Variants in CDH8 observed in about 807,000 individuals in gnomAD.
CDH8 encodes cadherin 8.
A neutral mutation model predicts 68.1 loss-of-function variants in CDH8; 17 were observed. That is an observed-to-expected ratio of 0.25 (90% CI 0.17 to 0.37). CDH8 has a LOEUF of 0.37. CDH8 is among the 10% of genes least tolerant of loss of function. The pLI, the probability that CDH8 is intolerant of heterozygous loss-of-function variation, is 1.00. For synonymous variants in CDH8, 372 were observed against 365.1 expected (o/e 1.02, Z -0.21); for missense variants, 763 against 999.3 (o/e 0.76, Z 3.19).
At chr16:62,023,543 G>A (rs561741831) in intron 1 of CDH8, among the ~76,000 whole-genome samples, 6 of 152,282 alleles carry the variant, frequency 3.9e-5, no homozygotes, top group African/African-American at 1.4e-4. Context: ...TGGAATCCAC[G>A]TGGTTATCCT....
rs949480545 is a variant in CDH8 at position 61,652,284 on chromosome 16, C to T, written c.*1324G>A. On this transcript the variant is annotated 3_prime_UTR_variant, in exon 12 of 12. Coordinates refer to ENST00000577390, the MANE Select transcript of CDH8 (RefSeq NM_001796.5). Reference sequence around the variant, plus strand: ...AGATCAGGGATAGGAGTGCTAAAAACGTAAACAGTGAAATTATGTACAAAT... The same window carrying T: ...AGATCAGGGATAGGAGTGCTAAAAATGTAAACAGTGAAATTATGTACAAAT... The T allele has an allele frequency of 7.1e-6, 7 of 985,202 alleles. No homozygotes were observed. The East Asian group carries it at 4.5e-4, about 64-fold the overall frequency. The allele number at this position is 985,202 out of a possible 1,614,324, so 61.0% of individuals were successfully genotyped here.
chr16:61,748,734 A>G (rs1043852755), intron 8 of CDH8, among the ~76,000 whole-genome samples: 1 of 151,998 alleles, frequency 6.6e-6, no homozygotes, highest in African/African-American at 2.4e-5. Context: ...TCTTCTCCCA[A>G]TGACCAATCC....
At chr16:61,743,391 A>G in intron 8 of CDH8, 1 of 156,658 alleles carries the variant, frequency 6.4e-6, no homozygotes. Flanking sequence ...GAGGAAGGGG[A>G]CACCCGCTTA....
In CDH8 at chr16:61,653,791, C is replaced by T. The variant is rs1199610270; in HGVS notation, c.2217G>A (p.Pro739=). 12 of 1,614,028 alleles carry T rather than the reference C, an allele frequency of 7.4e-6. No homozygotes were observed. Among genetic ancestry groups the T allele is most frequent in the East Asian group, 2.2e-5 (1 of 44,878 alleles). The change falls in exon 12 of 12, where the codon CCG becomes CCA. Residue 739 remains proline, a synonymous_variant. Coordinates refer to ENST00000577390, the MANE Select transcript of CDH8 (RefSeq NM_001796.5). ...CATATATCTGAATGGAGTCATATGG[C>T]GGGGCCGTGGGATCATTATCTGCCT... ...LHEADNDPTA[P]PYDSIQIYGY... is the part of the protein sequence containing the mutation.
intron 2 of CDH8, among the ~76,000 whole-genome samples, chr16:61,909,142 G>A (rs573204163): frequency 2.9e-4 from 44 of 152,216 alleles, no homozygotes; most frequent in African/African-American, 1.1e-3. Context: ...GCAGGCAAAT[G>A]TGTAGCATTT....
intron 3 of CDH8, among the ~76,000 whole-genome samples, chr16:61,858,937 G>C (rs1461776711): frequency 6.6e-6 from 1 of 152,108 alleles, no homozygotes; most frequent in Non-Finnish European, 1.5e-5. Flanking sequence ...AAATCAACAT[G>C]TTCAGCAGCA....
intron 8 of CDH8, among the ~76,000 whole-genome samples, chr16:61,767,166 T>C (rs368918345): frequency 1.3e-5 from 2 of 152,078 alleles, no homozygotes; most frequent in East Asian, 3.9e-4. Context: ...ATTCATACCA[T>C]TTCTAAGTAA....
chr16:61,959,984 G>GTATATATATATATATA lies in CDH8; in HGVS notation c.253-58527_253-58512dup, dbSNP rs1181394965. Among the ~76,000 whole-genome samples the GTATATATATATATATA allele has an allele frequency of 5.6e-3, 250 of 44,480 alleles. 14 individuals carry two copies. Among genetic ancestry groups the GTATATATATATATATA allele is most frequent in the South Asian group, 0.011 (11 of 976 alleles). The allele number at this position is 44,480 out of a possible 152,430, so 29.2% of individuals were successfully genotyped here. A position where few individuals can be genotyped will look rare whatever the true frequency, so the allele number is the denominator to read the frequency against. On this transcript the variant is annotated intron_variant, in intron 2 of 11. Coordinates refer to ENST00000577390, the MANE Select transcript of CDH8 (RefSeq NM_001796.5). ...GTATGTGGTGTATGTGTGTGTGTGT[G>GTATATATATATATATA]TATATATATATATATATATATATAT...
At chr16:61,736,887 A>G (rs1037272856) in intron 8 of CDH8, among the ~76,000 whole-genome samples, 1 of 152,222 alleles carries the variant, frequency 6.6e-6, no homozygotes, top group African/African-American at 2.4e-5. Context: ...AACTTGATTA[A>G]CATTCATTAA....
intron 10 of CDH8, among the ~76,000 whole-genome samples, chr16:61,670,795 A>C (rs376364295): frequency 2.0e-5 from 3 of 151,992 alleles, no homozygotes; most frequent in Non-Finnish European, 4.4e-5. Context: ...TTACCTACAT[A>C]GGTAGTTGGT....
intron 10 of CDH8, among the ~76,000 whole-genome samples, chr16:61,698,930 C>T (rs543891270): frequency 4.6e-5 from 7 of 152,230 alleles, no homozygotes; most frequent in East Asian, 1.9e-4. Context: ...AAAAGTTTTC[C>T]TGCTGTTTGG....
chr16:62,014,850 TGTAAGAGAGAGGATTTA>T (rs2150607099), intron 2 of CDH8, among the ~76,000 whole-genome samples: 1 of 151,616 alleles, frequency 6.6e-6, no homozygotes, highest in African/African-American at 2.4e-5. Context: ...GAGAAGTTTA[TGTAAGAGAGAGGATTTA>T]GTATAGAAGA....
chr16:61,810,781 T>C (rs919551301), intron 7 of CDH8, among the ~76,000 whole-genome samples: 2 of 152,192 alleles, frequency 1.3e-5, no homozygotes, highest in East Asian at 1.9e-4. Context: ...CCAAGAACTT[T>C]GGGAGGCCGA....
intron 8 of CDH8, among the ~76,000 whole-genome samples, chr16:61,748,779 C>T (rs920591500): frequency 6.0e-4 from 91 of 152,066 alleles, no homozygotes; most frequent in Non-Finnish European, 1.1e-3. Context: ...CAACTTGACC[C>T]GAGCATTCAT....
chr16:61,915,085 C>T (rs984485041), intron 2 of CDH8, among the ~76,000 whole-genome samples: 2 of 152,066 alleles, frequency 1.3e-5, no homozygotes, highest in Non-Finnish European at 2.9e-5. Flanking sequence ...AACCTTGTAT[C>T]CTTTCTAATT....
rs200462701 is a variant in CDH8 at position 61,703,794 on chromosome 16, C to G, written c.1654+10047G>C. 7.9e-5 allele frequency among the ~76,000 whole-genome samples: 12 copies of G among 152,030 alleles called. No homozygotes were observed. The East Asian group carries it at 2.1e-3, about 27-fold the overall frequency. ...GGCGGAGCTTGCAGTGAGCCGAGAT[C>G]GTGCCACTGCACTCCAGGCCTGGGC... On this transcript the variant is annotated intron_variant, in intron 10 of 11. Coordinates refer to ENST00000577390, the MANE Select transcript of CDH8 (RefSeq NM_001796.5).
rs778159572 is a variant in CDH8 at position 61,648,209 on chromosome 16, T to C, written c.*5399A>G. On this transcript the variant is annotated 3_prime_UTR_variant, in exon 12 of 12. Coordinates refer to ENST00000577390, the MANE Select transcript of CDH8 (RefSeq NM_001796.5). ...AACCCTGAAAATTCCTTATAACGTT[T>C]CTGAACTTCATTTTTCCTATCCATA... The C allele has an allele frequency of 2.3e-5, 4 of 177,630 alleles. No individual in the cohort carries two copies. The highest frequency in any genetic ancestry group is 4.7e-5 in the Non-Finnish European group (4 of 85,254). 11.0% of individuals were successfully genotyped at this position (177,630 alleles called of 1,614,324 possible). A position where few individuals can be genotyped will look rare whatever the true frequency, so the allele number is the denominator to read the frequency against.
chr16:61,699,276 A>G (rs1442996283), intron 10 of CDH8, among the ~76,000 whole-genome samples: 6 of 152,150 alleles, frequency 3.9e-5, no homozygotes, highest in Non-Finnish European at 5.9e-5. Context: ...ACATAATCTG[A>G]TAAGGCATTT....
chr16:61,741,521 C>A (rs1230777580), intron 8 of CDH8, among the ~76,000 whole-genome samples: 1 of 151,998 alleles, frequency 6.6e-6, no homozygotes, highest in Admixed American at 6.6e-5. Context: ...ACCTTTATAT[C>A]TTTGACCTAT....
Sources: allele counts gnomAD v4.1 joint callset (sites outside exome capture counted in the v4.1 genomes callset), GRCh38; gene constraint gnomAD v4.1.1; transcripts MANE v1.5; gene names NCBI Gene and HGNC (gene_info 2026-07-23, HGNC 2026-07-21).